TMEM53: variants seen among roughly 807,000 people sequenced by gnomAD.
TMEM53 encodes novel DUF829 domain-containing protein.
In TMEM53, 14 loss-of-function variants were observed where a neutral mutation model predicts 21.4. The observed-to-expected ratio is 0.65, with a 90% CI of 0.43 to 1.02. The LOEUF (loss-of-function observed/expected upper bound fraction) is 1.02, where lower values mean the gene tolerates loss of function less well. Among genes scored for constraint, TMEM53 ranks in the 50% least tolerant of loss-of-function variants. The pLI is 0.00. For missense variants in TMEM53, 323 were observed against 383.6 expected, an observed-to-expected ratio of 0.84 and a Z score of 1.32; for synonymous variants, 148 against 157.4, an observed-to-expected ratio of 0.94 and a Z score of 0.45.
Position 44,655,779 on chromosome 1 carries a change from T to C in TMEM53, c.184-570A>G, listed in dbSNP as rs1416980101. ...ACATCACTTTCATCACTGGTCACTG[T>C]CACCTTCCCTCTCTCCCAGGCTCCT... is the stretch of plus-strand genomic sequence containing the variant. On this transcript the variant is annotated intron_variant, in intron 2 of 2. Coordinates refer to ENST00000372237, the MANE Select transcript of TMEM53 (RefSeq NM_024587.4). This position sits in a 1 kb window ranked among gnomAD's most constrained non-coding sequence, Gnocchi z 4.4. 2.0e-5 allele frequency among the ~76,000 whole-genome samples: 3 copies of C among 152,142 alleles called. No individual in the cohort carries two copies. The highest frequency in any genetic ancestry group is 4.4e-5 in the Non-Finnish European group (3 of 68,022).
chr1:44,654,418 C>T lies in TMEM53; in HGVS notation c.*141G>A, dbSNP rs562745653. The T allele has an allele frequency of 1.7e-5, 16 of 967,202 alleles. No individual in the cohort carries two copies. The highest frequency in any genetic ancestry group is 3.0e-4 in the Middle Eastern group (1 of 3,364). The allele number at this position is 967,202 out of a possible 1,614,324, so 59.9% of individuals were successfully genotyped here. On this transcript the variant is annotated 3_prime_UTR_variant, in exon 3 of 3. Coordinates refer to ENST00000372237, the MANE Select transcript of TMEM53 (RefSeq NM_024587.4). The surrounding 1 kb of genome is among the most constrained non-coding windows in gnomAD (Gnocchi z 7.0). Reference sequence around the variant, plus strand: ...GACAGAGGCCCCCAGGAGACAGGCCCATAGGAATTTTCTACTTAGGGGACC... The same window carrying T: ...GACAGAGGCCCCCAGGAGACAGGCCTATAGGAATTTTCTACTTAGGGGACC...
At chr1:44,662,748 A>C (rs1311492876) in intron 1 of TMEM53, among the ~76,000 whole-genome samples, 1 of 150,764 alleles carries the variant, frequency 6.6e-6, no homozygotes, top group Non-Finnish European at 1.5e-5. Context: ...ATTTATCGCA[A>C]ATACAGAGAA....
chr1:44,654,519 G>C lies in TMEM53; in HGVS notation c.*40C>G. On this transcript the variant is annotated 3_prime_UTR_variant, in exon 3 of 3. Transcript: ENST00000372237. This position sits in a 1 kb window ranked among gnomAD's most constrained non-coding sequence, Gnocchi z 7.0. ...ATTGCAGGTTGTGGGGAGGTGTCAG[G>C]CATTTATTTCTGGAGCAGAGGTGAG... 6.3e-7 allele frequency: 1 copy of C among 1,576,740 alleles called. No homozygotes were observed.
chr1:44,673,868 G>A (rs892239046), intron 1 of TMEM53: 1 of 985,274 alleles, frequency 1.0e-6, no homozygotes, highest in Non-Finnish European at 1.2e-6. Flanking sequence ...GAGTGGAGAG[G>A]GACGGCTAAG....
rs751119209 is a variant in TMEM53, at chr1:44,654,255, C to T, written c.*304G>A. On this transcript the variant is annotated 3_prime_UTR_variant, in exon 3 of 3. Transcript: ENST00000372237. The surrounding 1 kb of genome is among the most constrained non-coding windows in gnomAD (Gnocchi z 7.0). Reference sequence around the variant, plus strand: ...CTCAACACCCCCCTCCATTTGTCAACCTCTACAGCCTGCATGCCACAGGAA... The same window carrying T: ...CTCAACACCCCCCTCCATTTGTCAATCTCTACAGCCTGCATGCCACAGGAA... 213 of 343,654 alleles carry T rather than the reference C, an allele frequency of 6.2e-4. No homozygotes were observed. The highest frequency in any genetic ancestry group is 1.0e-3 in the Non-Finnish European group (194 of 188,018). The allele number at this position is 343,654 out of a possible 1,614,324, so 21.3% of individuals were successfully genotyped here. A position where few individuals can be genotyped will look rare whatever the true frequency, so the allele number is the denominator to read the frequency against.
In TMEM53 at chr1:44,653,959, A is replaced by C. The variant is rs1001996735; in HGVS notation, c.*600T>G. ...TAAATTTTAAGTATCGTACACACTT[A>C]CAATTTTGTTAGGTGATCTTGGCCA... is the stretch of plus-strand genomic sequence containing the variant. On this transcript the variant is annotated 3_prime_UTR_variant, in exon 3 of 3. Coordinates refer to ENST00000372237, the MANE Select transcript of TMEM53 (RefSeq NM_024587.4). 1.3e-5 allele frequency: 2 copies of C among 152,490 alleles called. No individual in the cohort carries two copies. Among genetic ancestry groups the C allele is most frequent in the Non-Finnish European group, 1.5e-5 (1 of 68,256 alleles). 9.4% of individuals were successfully genotyped at this position (152,490 alleles called of 1,614,324 possible).
intron 1 of TMEM53, among the ~76,000 whole-genome samples, chr1:44,672,169 G>C (rs1212679738): frequency 2.6e-5 from 4 of 152,222 alleles, no homozygotes; most frequent in Non-Finnish European, 5.9e-5. Flanking sequence ...CTCCTCTGGA[G>C]CATGGACTGT....
At chr1:44,674,282 G>T in intron 1 of TMEM53, 49 bp downstream of exon 1, 1 of 1,571,878 alleles carries the variant, frequency 6.4e-7, no homozygotes, top group South Asian at 1.2e-5. Context: ...GCAACCCACA[G>T]GTTCATGAGG....
intron 1 of TMEM53, among the ~76,000 whole-genome samples, chr1:44,667,728 C>A (rs748370321): frequency 6.6e-6 from 1 of 151,982 alleles, no homozygotes; most frequent in Non-Finnish European, 1.5e-5. Flanking sequence ...GTATGTATAA[C>A]TTCTGCAATG....
rs1455585451 is a variant in TMEM53 at position 44,654,597 on chromosome 1, G to T, written c.796C>A (p.Leu266Ile). The change falls in exon 3 of 3, where the codon CTC (leucine) becomes ATC (isoleucine). Residue 266 changes from leucine (L) to isoleucine (I), a missense_variant. This residue lies in a region of TMEM53 where 269 missense variants were observed against 334.5 expected (regional missense o/e 0.80). Transcript: ENST00000372237. The surrounding 1 kb of genome is among the most constrained non-coding windows in gnomAD (Gnocchi z 7.0). ...CAGTTGCGCATGAAGTCGACACAGA[G>T]GCTTGTGTAGTAAGTAGGGTAGTCA... ...LRDYPTYYTS[L>I]CVDFMRNCVR... The T allele has an allele frequency of 6.2e-7, 1 of 1,612,154 alleles. No individual in the cohort carries two copies. Among genetic ancestry groups the T allele is most frequent in the Admixed American group, 1.7e-5 (1 of 59,964 alleles).
rs1644846224 is a variant in TMEM53 at position 44,655,997 on chromosome 1, A to C, written c.184-788T>G. On this transcript the variant is annotated intron_variant, in intron 2 of 2. Coordinates refer to ENST00000372237, the MANE Select transcript of TMEM53 (RefSeq NM_024587.4). This position sits in a 1 kb window ranked among gnomAD's most constrained non-coding sequence, Gnocchi z 4.4. ...CTCACGCTTGGGCCAAGGGTGCCAC[A>C]ATCTCCACACAGGTCCCCTTCTAGG... is the stretch of plus-strand genomic sequence containing the variant. Among the ~76,000 whole-genome samples, 3 of 152,192 alleles carry C rather than the reference A, an allele frequency of 2.0e-5. No individual in the cohort carries two copies. In the South Asian group the frequency reaches 6.2e-4, roughly 32 times the overall value.
intron 1 of TMEM53, among the ~76,000 whole-genome samples, chr1:44,669,361 T>G (rs1644978782): frequency 6.6e-6 from 1 of 152,236 alleles, no homozygotes; most frequent in East Asian, 1.9e-4. Context: ...TCCAATTTTT[T>G]GCTGTTATAA....
chr1:44,668,739 G>A (rs994458801), intron 1 of TMEM53, among the ~76,000 whole-genome samples: 2 of 152,056 alleles, frequency 1.3e-5, no homozygotes, highest in Non-Finnish European at 2.9e-5. Flanking sequence ...GGTAGGGTTT[G>A]GCCATGTTGC....
At chr1:44,669,902 G>A (rs545674893) in intron 1 of TMEM53, among the ~76,000 whole-genome samples, 72 of 151,226 alleles carry the variant, frequency 4.8e-4, no homozygotes, top group African/African-American at 1.4e-3. Flanking sequence ...AGGTTCAAGC[G>A]ATTCTCCTGC....
chr1:44,663,061 T>C (rs1365810073), intron 1 of TMEM53, among the ~76,000 whole-genome samples: 1 of 152,216 alleles, frequency 6.6e-6, no homozygotes, highest in African/African-American at 2.4e-5. Context: ...TATTGATTTC[T>C]TTATTTTTGG....
At chr1:44,662,686 T>A (rs1461844989) in intron 1 of TMEM53, among the ~76,000 whole-genome samples, 3 of 151,946 alleles carry the variant, frequency 2.0e-5, no homozygotes, top group African/African-American at 4.8e-5. Flanking sequence ...CTCCCCTGCC[T>A]ACAGGGTTGC....
chr1:44,662,427 T>G (rs1644910348), intron 1 of TMEM53, among the ~76,000 whole-genome samples: 1 of 152,190 alleles, frequency 6.6e-6, no homozygotes, highest in Non-Finnish European at 1.5e-5. Context: ...GTCCCCATCT[T>G]CTGCCAGATG....
Position 44,654,683 on chromosome 1 carries a change from G to C in TMEM53, c.710C>G (p.Ala237Gly). The C allele has an allele frequency of 1.2e-6, 2 of 1,614,134 alleles. No individual in the cohort carries two copies. Among genetic ancestry groups the C allele is most frequent in the Non-Finnish European group, 1.7e-6 (2 of 1,180,018 alleles). Residue 237 changes from alanine to glycine, a missense_variant, in exon 3 of 3, where the codon GCA becomes GGA. Ala to Gly is a moderately conservative substitution (Grantham distance 60). Around this residue, in one of 3 missense-constraint regions of TMEM53, gnomAD observed 269 missense variants for 334.5 expected, o/e 0.80. Coordinates refer to ENST00000372237, the MANE Select transcript of TMEM53 (RefSeq NM_024587.4). The surrounding 1 kb of genome is among the most constrained non-coding windows in gnomAD (Gnocchi z 7.0). ...CACAGAACGCGCCAGGACCCGGCGT[G>C]CCAGGCGTGCCTCCACCATGCGTTC... ...DIERMVEARL[A>G]RRVLARSVDF...
chr1:44,661,216 T>C (rs1431884741), intron 1 of TMEM53, among the ~76,000 whole-genome samples: 2 of 152,014 alleles, frequency 1.3e-5, no homozygotes, highest in Non-Finnish European at 2.9e-5. Flanking sequence ...CTGTTCTAAT[T>C]CCATGAGCAG....
Sources: gnomAD v4.1 joint callset for allele counts (sites outside exome capture counted in the v4.1 genomes callset) on GRCh38, gnomAD v4.1.1 for gene constraint, gnomAD v4.1.1 regional missense constraint, Gnocchi (gnomAD v3.1) non-coding constraint, MANE v1.5 for transcripts, NCBI Gene and HGNC (gene_info 2026-07-23, HGNC 2026-07-21) for gene names.